AGAP1: variants seen among roughly 807,000 people sequenced by gnomAD.
The protein encoded by AGAP1 is arf-GAP with GTPase, ANK repeat and PH domain-containing protein 1.
AGAP1 carries 29 observed loss-of-function variants against 105.3 expected under a neutral mutation model. The ratio of observed to expected loss-of-function variants is 0.28; its 90% CI spans 0.21 to 0.38. The LOEUF is 0.38. AGAP1 is among the 10% of genes least tolerant of loss of function. The probability of loss-of-function intolerance (pLI) is 1.00; values close to 1 mark genes in which losing one functional copy is unlikely to be tolerated. For missense variants in AGAP1, 998 were observed against 1,165.1 expected (o/e 0.86, Z 2.09); for synonymous variants, 509 against 485.9 (o/e 1.05, Z -0.63).
chr2:236,081,530 G>C (rs538830513), intron 16 of AGAP1, among the ~76,000 whole-genome samples: 1 of 152,140 alleles, frequency 6.6e-6, no homozygotes, highest in Admixed American at 6.6e-5. Flanking sequence ...GTCACGCCTC[G>C]TGGTCCAAAG....
At position 235,874,963 on chromosome 2, in the gene AGAP1, C is replaced by T. The variant is rs114819122; in HGVS notation, c.1051-8382C>T. 0.016 allele frequency among the ~76,000 whole-genome samples: 2,448 copies of T among 152,172 alleles called. 67 individuals carry two copies. The highest frequency in any genetic ancestry group is 0.055 in the African/African-American group (2,272 of 41,500). ...AGATAGGCAGTAACCTCTTGTGAAG[C>T]GGAAGCAAACTAGAAACAGCTCTCC... On this transcript the variant is annotated intron_variant, in intron 9 of 17. Transcript: ENST00000304032. The surrounding 1 kb of genome is among the most constrained non-coding windows in gnomAD (Gnocchi z 4.5).
intron 1 of AGAP1, among the ~76,000 whole-genome samples, chr2:235,575,806 G>A (rs1015211371): frequency 1.6e-4 from 24 of 152,226 alleles, no homozygotes; most frequent in African/African-American, 5.3e-4. Flanking sequence ...TGTTTCTGGT[G>A]TCCTTTTTCT....
chr2:235,556,037 G>A lies in AGAP1; in HGVS notation c.163+61188G>A, dbSNP rs74860225. ...CCTGTGGGGCACGTGGGACATGTGAGGGAGAAACAGCATCCTGCAGGAGAG... is the reference window on the plus strand; with the variant it reads ...CCTGTGGGGCACGTGGGACATGTGAAGGAGAAACAGCATCCTGCAGGAGAG... On this transcript the variant is annotated intron_variant, in intron 1 of 17. Coordinates refer to ENST00000304032, the MANE Select transcript of AGAP1 (RefSeq NM_001037131.3). This position sits in a 1 kb window ranked among gnomAD's most constrained non-coding sequence, Gnocchi z 5.3. 0.03 allele frequency among the ~76,000 whole-genome samples: 4,596 copies of A among 152,304 alleles called. 221 individuals are homozygous for A. Among genetic ancestry groups the A allele is most frequent in the African/African-American group, 0.1 (4,322 of 41,552 alleles).
At chr2:236,081,880 A>G (rs1488200743) in intron 16 of AGAP1, among the ~76,000 whole-genome samples, 1 of 152,154 alleles carries the variant, frequency 6.6e-6, no homozygotes, top group Non-Finnish European at 1.5e-5. Context: ...GTCCCCTCCT[A>G]TTAGCCTATG....
At chr2:235,759,401 C>G (rs966885774) in intron 6 of AGAP1, among the ~76,000 whole-genome samples, 40 of 151,912 alleles carry the variant, frequency 2.6e-4, no homozygotes, top group Middle Eastern at 3.4e-3. Flanking sequence ...GATCTCCTGA[C>G]CTCGTGATCC....
chr2:235,653,470 T>TAAATA (rs749611997), intron 1 of AGAP1, among the ~76,000 whole-genome samples: 2,506 of 143,468 alleles, frequency 0.017, 29 homozygotes, highest in East Asian at 0.032. Flanking sequence ...ATCTCAAAAA[T>TAAATA]AAATAAAATA....
chr2:235,680,517 G>A (rs1287020445), intron 1 of AGAP1, among the ~76,000 whole-genome samples: 5 of 152,100 alleles, frequency 3.3e-5, no homozygotes. Flanking sequence ...ATGGGCCTGG[G>A]GAAGGGGTCC....
chr2:235,676,734 T>G (rs1186922918), intron 1 of AGAP1, among the ~76,000 whole-genome samples: 1 of 152,222 alleles, frequency 6.6e-6, no homozygotes, highest in African/African-American at 2.4e-5. Flanking sequence ...GAATTCTCCT[T>G]TAGGCTATTG....
chr2:235,698,588 C>T (rs1950109445), intron 1 of AGAP1, among the ~76,000 whole-genome samples: 1 of 152,158 alleles, frequency 6.6e-6, no homozygotes, highest in Non-Finnish European at 1.5e-5. Flanking sequence ...AAAGCATTCT[C>T]GAGATCTGTT....
rs1305857097 is a variant in AGAP1, at chr2:235,553,467, A to C, written c.163+58618A>C. 6.6e-6 allele frequency among the ~76,000 whole-genome samples: 1 copy of C among 152,132 alleles called. No homozygotes were observed. The highest frequency in any genetic ancestry group is 2.4e-5 in the African/African-American group (1 of 41,438). On this transcript the variant is annotated intron_variant, in intron 1 of 17. Transcript: ENST00000304032. This position sits in a 1 kb window ranked among gnomAD's most constrained non-coding sequence, Gnocchi z 4.5. ...ATTGTGTTGCTAGGATTAGTTAAGA[A>C]CTGATTTGAGGTCACTAGCACATGG... is the stretch of plus-strand genomic sequence containing the variant.
chr2:235,883,518 C>T lies in AGAP1; in HGVS notation c.1155+69C>T. The T allele has an allele frequency of 3.9e-6, 5 of 1,272,480 alleles. No homozygotes were observed. Among genetic ancestry groups the T allele is most frequent in the Non-Finnish European group, 5.6e-6 (5 of 886,840 alleles). The allele number at this position is 1,272,480 out of a possible 1,614,324, so 78.8% of individuals were successfully genotyped here. The stretch of plus-strand genomic sequence containing the variant: ...ACTAAACACTGTGGGGAAGGGGAAC[C>T]TACCAGCAGCCCAGCCTCTTGTCTC... On this transcript the variant is annotated intron_variant, in intron 10 of 17. Coordinates refer to ENST00000304032, the MANE Select transcript of AGAP1 (RefSeq NM_001037131.3). This position sits in a 1 kb window ranked among gnomAD's most constrained non-coding sequence, Gnocchi z 4.5.
rs1261923730 is a variant in AGAP1, at chr2:236,101,017, G to A, written c.2115-19175G>A. Reference sequence around the variant, plus strand: ...CCCACTGCAAAGAATGTGAGCATCAGCTAGGCTGACACAGGGGTCCGCAGA... The same window carrying A: ...CCCACTGCAAAGAATGTGAGCATCAACTAGGCTGACACAGGGGTCCGCAGA... On this transcript the variant is annotated intron_variant, in intron 16 of 17. Coordinates refer to ENST00000304032, the MANE Select transcript of AGAP1 (RefSeq NM_001037131.3). This position sits in a 1 kb window ranked among gnomAD's most constrained non-coding sequence, Gnocchi z 4.9. 6.6e-6 allele frequency among the ~76,000 whole-genome samples: 1 copy of A among 152,132 alleles called. No homozygotes were observed. Among genetic ancestry groups the A allele is most frequent in the Non-Finnish European group, 1.5e-5 (1 of 68,028 alleles).
intron 11 of AGAP1, among the ~76,000 whole-genome samples, chr2:235,918,484 A>G (rs2052012943): frequency 6.6e-6 from 1 of 152,216 alleles, no homozygotes; most frequent in South Asian, 2.1e-4. Context: ...CTTTTTAAGA[A>G]TTGCAGCATC....
At chr2:235,540,155 T>C (rs1470582041) in intron 1 of AGAP1, among the ~76,000 whole-genome samples, 2 of 148,752 alleles carry the variant, frequency 1.3e-5, no homozygotes, top group Non-Finnish European at 3.0e-5. Flanking sequence ...CCTCTTTTTT[T>C]TTTTTTTTTT....
intron 9 of AGAP1, among the ~76,000 whole-genome samples, chr2:235,881,372 T>G (rs900814254): frequency 2.0e-5 from 3 of 152,188 alleles, no homozygotes; most frequent in African/African-American, 7.2e-5. Flanking sequence ...TCAAAGCGTC[T>G]TCTTGTATTT....
chr2:236,067,470 C>G (rs1464767108), intron 16 of AGAP1, among the ~76,000 whole-genome samples: 1 of 152,056 alleles, frequency 6.6e-6, no homozygotes, highest in Non-Finnish European at 1.5e-5. Flanking sequence ...CTATGTCTAC[C>G]TGTCATATTT....
At position 235,789,827 on chromosome 2, in the gene AGAP1, G is replaced by T. The variant is rs1222914488; in HGVS notation, c.674-7932G>T. 6.6e-6 allele frequency among the ~76,000 whole-genome samples: 1 copy of T among 152,168 alleles called. No homozygotes were observed. Among genetic ancestry groups the T allele is most frequent in the Non-Finnish European group, 1.5e-5 (1 of 68,044 alleles). ...AATCTTGGCCACAGCTTCTCATTAG[G>T]CTTTCAGTGACAAGGAACCAAAAAG... On this transcript the variant is annotated intron_variant, in intron 6 of 17. Transcript: ENST00000304032. This position sits in a 1 kb window ranked among gnomAD's most constrained non-coding sequence, Gnocchi z 4.2.
chr2:235,797,878 A>C lies in AGAP1; in HGVS notation c.793A>C (p.Ile265Leu). The change falls in exon 7 of 18, where the codon ATC (isoleucine) becomes CTC (leucine). Residue 265 changes from isoleucine (I) to leucine (L), a missense_variant. This residue lies in a region of AGAP1 where 735 missense variants were observed against 833.4 expected (regional missense o/e 0.88). Coordinates refer to ENST00000304032, the MANE Select transcript of AGAP1 (RefSeq NM_001037131.3). ...VCSAQVSAVH[I>L]SQTSNGGGSL... ...TTCCGCGCAGGTGTCTGCCGTGCAC[A>C]TCAGCCAGGTACGTTAGGTGACATG... is the stretch of plus-strand genomic sequence containing the variant. 1 of 1,614,142 alleles carries C rather than the reference A, an allele frequency of 6.2e-7. No homozygotes were observed. The highest frequency in any genetic ancestry group is 8.5e-7 in the Non-Finnish European group (1 of 1,180,028).
chr2:235,602,004 T>C (rs1945746197), intron 1 of AGAP1, among the ~76,000 whole-genome samples: 1 of 152,158 alleles, frequency 6.6e-6, no homozygotes, highest in Admixed American at 6.5e-5. Context: ...CTCCTGGGCC[T>C]CACACCTGCA....
Sources: gnomAD v4.1 joint callset for allele counts (sites outside exome capture counted in the v4.1 genomes callset) on GRCh38, gnomAD v4.1.1 for gene constraint, gnomAD v4.1.1 regional missense constraint, Gnocchi (gnomAD v3.1) non-coding constraint, MANE v1.5 for transcripts, NCBI Gene and HGNC (gene_info 2026-07-23, HGNC 2026-07-21) for gene names.